The following FIG4 variants were observed in gnomAD, a reference collection of about 807,000 sequenced individuals.
FIG4 encodes the protein FIG4 phosphoinositide 5-phosphatase.
Under a neutral mutation model 118.6 loss-of-function variants are expected in FIG4, and 112 were observed. That is an observed-to-expected ratio of 0.94 (90% CI 0.81 to 1.11). FIG4 has a LOEUF of 1.11. Among genes scored for constraint, FIG4 ranks in the 50% least tolerant of loss-of-function variants. The pLI, the probability that FIG4 is intolerant of heterozygous loss-of-function variation, is 0.00. For missense variants in FIG4, 969 were observed against 1,111.7 expected (o/e 0.87, Z 1.83); for synonymous variants, 369 against 381.2 (o/e 0.97, Z 0.37).
At chr6:109,726,602 G>T (rs1381524762) in intron 3 of FIG4, among the ~76,000 whole-genome samples, 1 of 151,984 alleles carries the variant, frequency 6.6e-6, no homozygotes, top group Non-Finnish European at 1.5e-5. Context: ...CTCTTTTTTG[G>T]TTCCATATGA....
At chr6:109,823,030 A>T (rs886901841) in intron 22 of FIG4, among the ~76,000 whole-genome samples, 1 of 152,046 alleles carries the variant, frequency 6.6e-6, no homozygotes, top group Admixed American at 6.6e-5. Flanking sequence ...TAGACATAAC[A>T]AATGCATACA....
At chr6:109,817,013 A>C (rs1778879624) in intron 22 of FIG4, among the ~76,000 whole-genome samples, 2 of 152,204 alleles carry the variant, frequency 1.3e-5, no homozygotes, top group African/African-American at 2.4e-5. Context: ...ATTGCTCCAA[A>C]AGGTCGCCGT....
chr6:109,698,424 C>T (rs1057336480), intron 1 of FIG4, among the ~76,000 whole-genome samples: 2 of 152,142 alleles, frequency 1.3e-5, no homozygotes, highest in South Asian at 2.1e-4. Flanking sequence ...TAGACCAATT[C>T]GGGATAATTG....
intron 17 of FIG4, chr6:109,785,750 T>G: frequency 2.1e-6 from 1 of 468,724 alleles, no homozygotes; most frequent in Non-Finnish European, 4.4e-6. Context: ...ATCCCAACTT[T>G]GGGTGGGGAA....
chr6:109,786,770 G>A (rs556244911), intron 18 of FIG4, among the ~76,000 whole-genome samples: 15 of 152,256 alleles, frequency 9.9e-5, no homozygotes, highest in Non-Finnish European at 2.2e-4. Flanking sequence ...AGTGGGAAAA[G>A]CATCATCTTT....
chr6:109,700,104 T>C (rs1774862157), intron 1 of FIG4, among the ~76,000 whole-genome samples: 1 of 152,188 alleles, frequency 6.6e-6, no homozygotes, highest in Admixed American at 6.5e-5. Flanking sequence ...AAGGATTAGG[T>C]TTCAACATAT....
At chr6:109,699,927 T>C (rs1398550100) in intron 1 of FIG4, among the ~76,000 whole-genome samples, 3 of 152,212 alleles carry the variant, frequency 2.0e-5, no homozygotes, top group Admixed American at 2.0e-4. Flanking sequence ...ATCAAGGCAC[T>C]GGCAGATCCA....
At chr6:109,803,072 G>T (rs1397236049) in intron 22 of FIG4, among the ~76,000 whole-genome samples, 1 of 152,112 alleles carries the variant, frequency 6.6e-6, no homozygotes, top group East Asian at 1.9e-4. Flanking sequence ...ATAATTCTGT[G>T]TGTTTAATCC....
chr6:109,755,421 G>A (rs1198618987), intron 10 of FIG4, among the ~76,000 whole-genome samples: 2 of 152,174 alleles, frequency 1.3e-5, no homozygotes, highest in East Asian at 1.9e-4. Flanking sequence ...CTGTTGATTT[G>A]GGGTGGAGAG....
At chr6:109,812,831 TC>T (rs1011430589) in intron 22 of FIG4, among the ~76,000 whole-genome samples, 17 of 152,208 alleles carry the variant, frequency 1.1e-4, no homozygotes, top group African/African-American at 4.1e-4. Context: ...GAATGATCGT[TC>T]CTCAGACAGG....
At chr6:109,767,608 T>C (rs552828023) in intron 15 of FIG4, among the ~76,000 whole-genome samples, 144 of 152,280 alleles carry the variant, frequency 9.5e-4, no homozygotes, top group Middle Eastern at 3.4e-3. Context: ...TGGTGGCTCA[T>C]GCCTGTAATC....
chr6:109,750,012 C>G (rs993774753), intron 10 of FIG4, among the ~76,000 whole-genome samples: 10 of 152,056 alleles, frequency 6.6e-5, no homozygotes, highest in Admixed American at 5.2e-4. Context: ...GGTAGAAGAC[C>G]TTATTAATTG....
intron 3 of FIG4, among the ~76,000 whole-genome samples, chr6:109,724,803 T>TTGTGTGTGTG (rs60968865): frequency 7.5e-5 from 11 of 146,646 alleles, no homozygotes; most frequent in African/African-American, 2.8e-4. Flanking sequence ...TTATAATCCT[T>TTGTGTGTGTG]TGTGTGTGTG....
chr6:109,760,954 T>C (rs1777086668), intron 11 of FIG4, among the ~76,000 whole-genome samples: 1 of 152,246 alleles, frequency 6.6e-6, no homozygotes, highest in South Asian at 2.1e-4. Context: ...TTTCAAGATC[T>C]GATTCAAAAC....
chr6:109,732,711 C>T (rs1437410154), intron 5 of FIG4, 24 bp downstream of exon 5: 1 of 1,428,742 alleles, frequency 7.0e-7, no homozygotes, highest in East Asian at 2.3e-5. Context: ...TAGTTTTGCT[C>T]CTATCAATCA....
intron 10 of FIG4, among the ~76,000 whole-genome samples, chr6:109,746,187 G>C (rs984152327): frequency 3.3e-5 from 5 of 152,116 alleles, no homozygotes; most frequent in Admixed American, 1.3e-4. Context: ...AAACCGGCTA[G>C]CCATATGCAG....
At chr6:109,796,941 T>A (rs1230501580) in intron 22 of FIG4, 90 bp downstream of exon 22, 1 of 811,072 alleles carries the variant, frequency 1.2e-6, no homozygotes. Flanking sequence ...AAAGATTCAC[T>A]CTTGTCACCA....
At chr6:109,764,183 A>G (rs183721053) in intron 13 of FIG4, among the ~76,000 whole-genome samples, 150 of 152,258 alleles carry the variant, frequency 9.9e-4, no homozygotes, top group African/African-American at 3.4e-3. Context: ...TCATGCTTGT[A>G]ATCCCAACAC....
At position 109,753,871 on chromosome 6, in the gene FIG4, CAT is replaced by C. The variant is rs745580438; in HGVS notation, c.1138-6378_1138-6377del. Among the ~76,000 whole-genome samples the C allele has an allele frequency of 4.6e-5, 7 of 152,328 alleles. No individual in the cohort carries two copies. In the East Asian group the frequency reaches 1.4e-3, roughly 29 times the overall value. On this transcript the variant is annotated intron_variant, in intron 10 of 22. Transcript: ENST00000230124. ...CAATAGGGTTTTCTAGATATACAAT[CAT>C]GTCATCTGCAAACAGGGACAATTTG...
Sources: gnomAD v4.1 joint callset for allele counts (sites outside exome capture counted in the v4.1 genomes callset) on GRCh38, gnomAD v4.1.1 for gene constraint, MANE v1.5 for transcripts, NCBI Gene and HGNC (gene_info 2026-07-23, HGNC 2026-07-21) for gene names.